ZNF385D: variants seen among roughly 807,000 people sequenced by gnomAD.
ZNF385D encodes the protein zinc finger protein 385D, also known as zinc finger protein 659.
In ZNF385D, 15 loss-of-function variants were observed where a neutral mutation model predicts 35.8. The ratio of observed to expected loss-of-function variants is 0.42; its 90% CI spans 0.28 to 0.64. ZNF385D has a LOEUF of 0.64. Among genes scored for constraint, ZNF385D ranks in the 30% least tolerant of loss-of-function variants. The probability of loss-of-function intolerance (pLI) is 0.23; values close to 1 mark genes in which losing one functional copy is unlikely to be tolerated. For synonymous variants in ZNF385D, 212 were observed against 186.8 expected, an observed-to-expected ratio of 1.13 and a Z score of -1.10; for missense variants, 474 against 494.6, an observed-to-expected ratio of 0.96 and a Z score of 0.39.
At chr3:21,706,910 A>G (rs1388540959) in intron 1 of ZNF385D, among the ~76,000 whole-genome samples, 1 of 152,172 alleles carries the variant, frequency 6.6e-6, no homozygotes, top group Admixed American at 6.5e-5. Context: ...TAGGAAAAGG[A>G]CAGATTATTT....
chr3:22,134,253 G>C lies in ZNF385D; in HGVS notation c.325+34564C>G, dbSNP rs375506821. ...AAATAAACACTAGTCAAAGAATACT[G>C]GAGTGTTATATTAATATTAAACAAA... On this transcript the variant is annotated intron_variant, in intron 3 of 5. Transcript: ENST00000494108. The C allele has an allele frequency of 1.1e-4, 17 of 152,066 alleles. 1 individual carries two copies. The highest frequency in any genetic ancestry group is 7.2e-4 in the Admixed American group (11 of 15,254). 9.4% of individuals were successfully genotyped at this position (152,066 alleles called of 1,614,324 possible). A position where few individuals can be genotyped will look rare whatever the true frequency, so the allele number is the denominator to read the frequency against.
At chr3:22,330,675 T>A (rs766575897) in intron 2 of ZNF385D, among the ~76,000 whole-genome samples, 1 of 152,206 alleles carries the variant, frequency 6.6e-6, no homozygotes, top group African/African-American at 2.4e-5. Context: ...TGAGCTCCTC[T>A]ACACTGTGAT....
chr3:22,030,443 G>A (rs1697925028), intron 3 of ZNF385D, among the ~76,000 whole-genome samples: 1 of 150,704 alleles, frequency 6.6e-6, no homozygotes, highest in Non-Finnish European at 1.5e-5. Flanking sequence ...TTACAAAGTG[G>A]CAGGAGGGAG....
At chr3:21,550,548 T>A (rs1457970329) in intron 3 of ZNF385D, among the ~76,000 whole-genome samples, 1 of 152,192 alleles carries the variant, frequency 6.6e-6, no homozygotes, top group Non-Finnish European at 1.5e-5. Flanking sequence ...AGTGGTGTGA[T>A]CTTGGCTTAC....
chr3:22,354,583 T>C (rs1696063901), intron 2 of ZNF385D, among the ~76,000 whole-genome samples: 1 of 152,088 alleles, frequency 6.6e-6, no homozygotes, highest in East Asian at 1.9e-4. Flanking sequence ...TAATAAATTA[T>C]ACATTAAAAC....
Position 22,123,809 on chromosome 3 carries a change from C to G in ZNF385D, c.325+45008G>C, listed in dbSNP as rs191453716. On this transcript the variant is annotated intron_variant, in intron 3 of 5. Coordinates refer to the ZNF385D transcript ENST00000494108. ...CCCAAGAGGCGGAGGTTGCAGGGAACTGAGATTGCACCACTGCACTCCAGC... is the reference window on the plus strand; with the variant it reads ...CCCAAGAGGCGGAGGTTGCAGGGAAGTGAGATTGCACCACTGCACTCCAGC... Among the ~76,000 whole-genome samples the G allele has an allele frequency of 1.4e-3, 212 of 152,030 alleles. 1 individual carries two copies. Among genetic ancestry groups the G allele is most frequent in the African/African-American group, 4.8e-3 (201 of 41,488 alleles).
intron 2 of ZNF385D, among the ~76,000 whole-genome samples, chr3:22,365,025 G>T (rs897695646): frequency 6.6e-6 from 1 of 152,010 alleles, no homozygotes; most frequent in African/African-American, 2.4e-5. Flanking sequence ...CTTACATGAG[G>T]TACTTAAAGT....
At position 22,301,858 on chromosome 3, in the gene ZNF385D, A is replaced by G. The variant is rs1213791749; in HGVS notation, c.106+70592T>C. Among the ~76,000 whole-genome samples the G allele has an allele frequency of 2.6e-5, 4 of 152,120 alleles. No individual in the cohort carries two copies. The South Asian group carries it at 8.3e-4, about 31-fold the overall frequency. The stretch of plus-strand genomic sequence containing the variant: ...TGATTTTTAAAATTATGTAGACAGT[A>G]TCATACTGCATGTATTCTCTGCTTT... On this transcript the variant is annotated intron_variant, in intron 2 of 5. Coordinates refer to the ZNF385D transcript ENST00000494108.
chr3:21,772,092 G>A (rs905356833), intron 3 of ZNF385D, among the ~76,000 whole-genome samples: 5 of 151,842 alleles, frequency 3.3e-5, no homozygotes, highest in African/African-American at 1.2e-4. Flanking sequence ...ATGGATTAAA[G>A]GCTTAAATAT....
chr3:22,192,599 A>G (rs1042512545), intron 2 of ZNF385D, among the ~76,000 whole-genome samples: 1 of 152,166 alleles, frequency 6.6e-6, no homozygotes, highest in African/African-American at 2.4e-5. Context: ...CCATGTTGAA[A>G]ATGGACCCTC....
intron 2 of ZNF385D, among the ~76,000 whole-genome samples, chr3:22,306,554 G>A (rs533186364): frequency 1.3e-5 from 2 of 152,166 alleles, no homozygotes; most frequent in East Asian, 1.9e-4. Context: ...AGACACTGCC[G>A]TCTATGCAGT....
intron 2 of ZNF385D, among the ~76,000 whole-genome samples, chr3:22,239,172 G>T (rs757553631): frequency 6.6e-6 from 1 of 150,970 alleles, no homozygotes; most frequent in Non-Finnish European, 1.5e-5. Flanking sequence ...CTTTTTTCTA[G>T]AACAAGAGTT....
At chr3:22,082,054 C>T (rs1824976) in intron 3 of ZNF385D, among the ~76,000 whole-genome samples, 24 of 147,920 alleles carry the variant, frequency 1.6e-4, no homozygotes, top group African/African-American at 4.0e-4. Flanking sequence ...GAAATGACTT[C>T]GAACTGCAGT....
chr3:21,665,690 T>G (rs1359034240), intron 1 of ZNF385D, among the ~76,000 whole-genome samples: 1 of 152,108 alleles, frequency 6.6e-6, no homozygotes, highest in Non-Finnish European at 1.5e-5. Flanking sequence ...TGGCCACTGT[T>G]GAGCAGGCAG....
chr3:22,158,485 C>T (rs142331658), intron 3 of ZNF385D, among the ~76,000 whole-genome samples: 262 of 152,126 alleles, frequency 1.7e-3, no homozygotes, highest in African/African-American at 4.2e-3. Context: ...TGCTGCTATA[C>T]ATCTATTTGC....
At position 22,047,172 on chromosome 3, in the gene ZNF385D, T is replaced by C. The variant is rs180754682; in HGVS notation, c.325+121645A>G. On this transcript the variant is annotated intron_variant, in intron 3 of 5. Coordinates refer to the ZNF385D transcript ENST00000494108. ...GCACAACATGATGTTCTGAAATGTATACATTGTAGAATGGCTAAATCAAGC... is the reference window on the plus strand; with the variant it reads ...GCACAACATGATGTTCTGAAATGTACACATTGTAGAATGGCTAAATCAAGC... 8.5e-5 allele frequency among the ~76,000 whole-genome samples: 13 copies of C among 152,270 alleles called. No individual in the cohort carries two copies. In the East Asian group the frequency reaches 1.7e-3, roughly 20 times the overall value.
intron 3 of ZNF385D, among the ~76,000 whole-genome samples, chr3:21,764,863 C>G (rs2070759836): frequency 6.6e-6 from 1 of 152,116 alleles, no homozygotes; most frequent in Non-Finnish European, 1.5e-5. Context: ...GTTTACATTT[C>G]TGGCTCCCAA....
intron 2 of ZNF385D, among the ~76,000 whole-genome samples, chr3:21,614,974 T>C (rs565653042): frequency 2.0e-5 from 3 of 152,300 alleles, no homozygotes; most frequent in Admixed American, 1.3e-4. Flanking sequence ...CTAGGAAACA[T>C]AGTACTCTGA....
chr3:22,211,037 C>A (rs1355746536), intron 2 of ZNF385D, among the ~76,000 whole-genome samples: 1 of 151,828 alleles, frequency 6.6e-6, no homozygotes, highest in East Asian at 1.9e-4. Flanking sequence ...ACTTGCTTTT[C>A]CAAGAAATCT....
Sources: allele counts gnomAD v4.1 joint callset (sites outside exome capture counted in the v4.1 genomes callset), GRCh38; gene constraint gnomAD v4.1.1; transcripts MANE v1.5; gene names NCBI Gene and HGNC (gene_info 2026-07-23, HGNC 2026-07-21).